USP5: variants seen among roughly 807,000 people sequenced by gnomAD.
USP5 encodes ubiquitin specific peptidase 5.
USP5 carries 24 observed loss-of-function variants against 102.5 expected under a neutral mutation model. The observed-to-expected ratio is 0.23, with a 90% CI of 0.17 to 0.33. The LOEUF (loss-of-function observed/expected upper bound fraction) is 0.33. USP5 is among the 10% of genes least tolerant of loss of function. The pLI is 1.00. For synonymous variants in USP5, 460 were observed against 434.8 expected (o/e 1.06, Z -0.72); for missense variants, 753 against 1,122.1 (o/e 0.67, Z 4.70).
At chr12:6,853,785 A>T (rs1555127589) in intron 1 of USP5, among the ~76,000 whole-genome samples, 1 of 152,232 alleles carries the variant, frequency 6.6e-6, no homozygotes, top group Non-Finnish European at 1.5e-5. Flanking sequence ...AATTGGGCTC[A>T]TGGTAGAAAG....
intron 1 of USP5, 136 bp downstream of exon 1, chr12:6,852,426 T>A: frequency 1.1e-6 from 1 of 921,324 alleles, no homozygotes; most frequent in Non-Finnish European, 1.6e-6. Flanking sequence ...CGCTCCACTC[T>A]GCCGTTGCCT....
chr12:6,856,110 G>A lies in USP5; in HGVS notation c.398G>A (p.Arg133Gln), dbSNP rs782250627. 5 of 1,614,140 alleles carry A rather than the reference G, an allele frequency of 3.1e-6. No individual in the cohort carries two copies. Among genetic ancestry groups the A allele is most frequent in the Non-Finnish European group, 4.2e-6 (5 of 1,180,014 alleles). Reference sequence around the variant, plus strand: ...TTGCCAGATTACCTGGAGATTGCCCGGGATGGACTGGGGGGACTGCCTGAC... The same window carrying A: ...TTGCCAGATTACCTGGAGATTGCCCAGGATGGACTGGGGGGACTGCCTGAC... ...VILPDYLEIA[R>Q]DGLGGLPDIV... The change falls in exon 4 of 20, where the codon CGG (arginine) becomes CAG (glutamine). Residue 133 changes from arginine (R) to glutamine (Q), a missense_variant. Physicochemically the swap from Arg to Gln is conservative, Grantham distance 43. This residue lies in a region of USP5 where 527 missense variants were observed against 816.5 expected (regional missense o/e 0.65). Coordinates refer to ENST00000229268, the MANE Select transcript of USP5 (RefSeq NM_001098536.2). This position sits in a 1 kb window ranked among gnomAD's most constrained non-coding sequence, Gnocchi z 5.6.
At position 6,860,322 on chromosome 12, in the gene USP5, T is replaced by A. The variant is rs1555129253; in HGVS notation, c.1219-44T>A. 6.2e-7 allele frequency: 1 copy of A among 1,613,678 alleles called. No individual in the cohort carries two copies. The highest frequency in any genetic ancestry group is 8.5e-7 in the Non-Finnish European group (1 of 1,179,798). On this transcript the variant is annotated intron_variant, in intron 10 of 19. Transcript: ENST00000229268. This position sits in a 1 kb window ranked among gnomAD's most constrained non-coding sequence, Gnocchi z 5.5. Reference sequence around the variant, plus strand: ...GAGATGTCTAAAGAAGGCCCCTGGATGGCCACTGAGCCCCAGCTGAGTCCC... The same window carrying A: ...GAGATGTCTAAAGAAGGCCCCTGGAAGGCCACTGAGCCCCAGCTGAGTCCC...
chr12:6,863,440 TCCCCTG>T lies in USP5; in HGVS notation c.1954+70_1954+75del. The T allele has an allele frequency of 6.5e-7, 1 of 1,538,686 alleles. No individual in the cohort carries two copies. The highest frequency in any genetic ancestry group is 8.9e-7 in the Non-Finnish European group (1 of 1,127,888). On this transcript the variant is annotated intron_variant, in intron 15 of 19. Transcript: ENST00000229268. This position sits in a 1 kb window ranked among gnomAD's most constrained non-coding sequence, Gnocchi z 4.7. ...CTGATGGGGGCCTCTCTGCCTTGCA[TCCCCTG>T]CCCCTGTCCTTTGTGTTTCTCCTGT... is the stretch of plus-strand genomic sequence containing the variant.
chr12:6,861,632 C>A lies in USP5; in HGVS notation c.1673+15C>A. On this transcript the variant is annotated intron_variant, in intron 13 of 19. Coordinates refer to ENST00000229268, the MANE Select transcript of USP5 (RefSeq NM_001098536.2). This position sits in a 1 kb window ranked among gnomAD's most constrained non-coding sequence, Gnocchi z 4.9. ...GTAGCTGTCAAGTAAGTCCTCTGGT[C>A]GGGGCCTGAGGCTGTGGGTCTATGG... is the stretch of plus-strand genomic sequence containing the variant. 1 of 1,532,006 alleles carries A rather than the reference C, an allele frequency of 6.5e-7. No individual in the cohort carries two copies. The highest frequency in any genetic ancestry group is 1.2e-5 in the South Asian group (1 of 83,094). 94.9% of individuals were successfully genotyped at this position (1,532,006 alleles called of 1,614,324 possible).
chr12:6,866,148 T>C lies in USP5; in HGVS notation c.*71T>C, dbSNP rs1944439056. On this transcript the variant is annotated 3_prime_UTR_variant, in exon 20 of 20. Transcript: ENST00000229268. This position sits in a 1 kb window ranked among gnomAD's most constrained non-coding sequence, Gnocchi z 4.7. ...GGCATGAGGGAGAGGGGCTGAGGGA[T>C]GGACTTCAGCCCCTCTGCTCTGTAC... 6 of 1,369,822 alleles carry C rather than the reference T, an allele frequency of 4.4e-6. No individual in the cohort carries two copies. The South Asian group carries it at 4.6e-5, about 11-fold the overall frequency. The allele number at this position is 1,369,822 out of a possible 1,614,324, so 84.9% of individuals were successfully genotyped here.
At position 6,855,928 on chromosome 12, in the gene USP5, T is replaced by C; in HGVS notation, c.305-89T>C. 2.3e-5 allele frequency: 37 copies of C among 1,605,392 alleles called. No individual in the cohort carries two copies. Among genetic ancestry groups the C allele is most frequent in the Non-Finnish European group, 3.2e-5 (37 of 1,173,392 alleles). On this transcript the variant is annotated intron_variant, in intron 3 of 19. Transcript: ENST00000229268. The surrounding 1 kb of genome is among the most constrained non-coding windows in gnomAD (Gnocchi z 4.6). ...GGCCTGATTGATGGCCCTAGAACTC[T>C]GGATGGGGCAAGTGAGGTGCTGGCT...
rs1444982705 is a variant in USP5 at position 6,858,969 on chromosome 12, G to A, written c.1058+352G>A. The A allele has an allele frequency of 3.9e-6, 1 of 256,050 alleles. No individual in the cohort carries two copies. Among genetic ancestry groups the A allele is most frequent in the Admixed American group, 4.7e-5 (1 of 21,486 alleles). The allele number at this position is 256,050 out of a possible 1,614,324, so 15.9% of individuals were successfully genotyped here. Reference sequence around the variant, plus strand: ...ACACACAAACCCCACTGATAGTGCAGAGTGCCAAGTCCCAGGGCTCTGTGG... The same window carrying A: ...ACACACAAACCCCACTGATAGTGCAAAGTGCCAAGTCCCAGGGCTCTGTGG... On this transcript the variant is annotated intron_variant, in intron 8 of 19. Coordinates refer to ENST00000229268, the MANE Select transcript of USP5 (RefSeq NM_001098536.2). The surrounding 1 kb of genome is among the most constrained non-coding windows in gnomAD (Gnocchi z 4.2).
rs1555130893 is a variant in USP5 at position 6,866,291 on chromosome 12, GC to G, written c.*216del. ...ATGGAGCAGGACGGGGACGGGAGGG[GC>G]CGGCCACCTGTCTGTAAGGAGACTT... On this transcript the variant is annotated 3_prime_UTR_variant, in exon 20 of 20. Coordinates refer to ENST00000229268, the MANE Select transcript of USP5 (RefSeq NM_001098536.2). This position sits in a 1 kb window ranked among gnomAD's most constrained non-coding sequence, Gnocchi z 4.7. 1.8e-6 allele frequency: 1 copy of G among 548,212 alleles called. No individual in the cohort carries two copies. The highest frequency in any genetic ancestry group is 3.3e-6 in the Non-Finnish European group (1 of 304,820). 34.0% of individuals were successfully genotyped at this position (548,212 alleles called of 1,614,324 possible). A position where few individuals can be genotyped will look rare whatever the true frequency, so the allele number is the denominator to read the frequency against.
Position 6,863,103 on chromosome 12 carries a change from A to G in USP5, c.1763-83A>G. 1 of 1,403,574 alleles carries G rather than the reference A, an allele frequency of 7.1e-7. No homozygotes were observed. Among genetic ancestry groups the G allele is most frequent in the Admixed American group, 2.3e-5 (1 of 44,054 alleles). 86.9% of individuals were successfully genotyped at this position (1,403,574 alleles called of 1,614,324 possible). ...AGCTCCTCTTTACAGAGCAGTTCTG[A>G]CATAGGGGGCAGGGGATTGAGGTTC... On this transcript the variant is annotated intron_variant, in intron 14 of 19. Transcript: ENST00000229268. The surrounding 1 kb of genome is among the most constrained non-coding windows in gnomAD (Gnocchi z 4.7).
At position 6,855,072 on chromosome 12, in the gene USP5, G is replaced by C. The variant is rs1944067255; in HGVS notation, c.112-329G>C. Among the ~76,000 whole-genome samples the C allele has an allele frequency of 6.6e-6, 1 of 152,176 alleles. No individual in the cohort carries two copies. On this transcript the variant is annotated intron_variant, in intron 1 of 19. Coordinates refer to ENST00000229268, the MANE Select transcript of USP5 (RefSeq NM_001098536.2). The surrounding 1 kb of genome is among the most constrained non-coding windows in gnomAD (Gnocchi z 4.6). ...GATAGAGGTGAAGGAAGTCCTCTGT[G>C]ATTGATTAAAGAGCTCCAAAGCCCA... is the stretch of plus-strand genomic sequence containing the variant.
rs188711515 is a variant in USP5, at chr12:6,858,773, C to T, written c.1058+156C>T. ...TTGGCCCACACCCGTAATCCCAGTA[C>T]TTCGGGAGGCCAAGATGGGAGAATT... On this transcript the variant is annotated intron_variant, in intron 8 of 19. Transcript: ENST00000229268. This position sits in a 1 kb window ranked among gnomAD's most constrained non-coding sequence, Gnocchi z 4.2. 9.4e-6 allele frequency: 6 copies of T among 638,402 alleles called. No individual in the cohort carries two copies. In the East Asian group the frequency reaches 1.7e-4, roughly 18 times the overall value. The allele number at this position is 638,402 out of a possible 1,614,324, so 39.5% of individuals were successfully genotyped here.
In USP5 at chr12:6,861,206, C is replaced by G; in HGVS notation, c.1498+100C>G. ...GGAGCACAGCCCAGGGAATGCCCTGCTTCACCAGCCAAGGTTCCAGTCTGG... is the reference window on the plus strand; with the variant it reads ...GGAGCACAGCCCAGGGAATGCCCTGGTTCACCAGCCAAGGTTCCAGTCTGG... On this transcript the variant is annotated intron_variant, in intron 12 of 19. Coordinates refer to ENST00000229268, the MANE Select transcript of USP5 (RefSeq NM_001098536.2). The surrounding 1 kb of genome is among the most constrained non-coding windows in gnomAD (Gnocchi z 4.9). The G allele has an allele frequency of 6.5e-7, 1 of 1,536,884 alleles. No individual in the cohort carries two copies. The highest frequency in any genetic ancestry group is 8.8e-7 in the Non-Finnish European group (1 of 1,141,324).
chr12:6,852,307 C>A lies in USP5; in HGVS notation c.111+17C>A. The stretch of plus-strand genomic sequence containing the variant: ...GACACGCCGGTAAGCCCATTCCCCA[C>A]GCCCGCAACGAGCACGACTTCCTTC... On this transcript the variant is annotated intron_variant, in intron 1 of 19. Coordinates refer to ENST00000229268, the MANE Select transcript of USP5 (RefSeq NM_001098536.2). The A allele has an allele frequency of 6.3e-7, 1 of 1,594,966 alleles. No individual in the cohort carries two copies. The highest frequency in any genetic ancestry group is 8.5e-7 in the Non-Finnish European group (1 of 1,170,366).
At position 6,863,531 on chromosome 12, in the gene USP5, C is replaced by G. The variant is rs1944337211; in HGVS notation, c.1954+154C>G. ...GACATGGGGCCTCCCCAGCGCACTC[C>G]TAGCCACCTTCTGGGTGTGGATGGC... On this transcript the variant is annotated intron_variant, in intron 15 of 19. Coordinates refer to ENST00000229268, the MANE Select transcript of USP5 (RefSeq NM_001098536.2). The surrounding 1 kb of genome is among the most constrained non-coding windows in gnomAD (Gnocchi z 4.7). 6.6e-6 allele frequency among the ~76,000 whole-genome samples: 1 copy of G among 152,100 alleles called. No individual in the cohort carries two copies. Among genetic ancestry groups the G allele is most frequent in the Non-Finnish European group, 1.5e-5 (1 of 68,016 alleles).
At position 6,858,823 on chromosome 12, in the gene USP5, AGCCTG is replaced by A. The variant is rs1382082295; in HGVS notation, c.1058+208_1058+212del. Reference sequence around the variant, plus strand: ...TGCTTGAGCCCAGGAGGTTGAGACCAGCCTGGGCAACATAGCGAGACCCTGTCTTC... The same window carrying A: ...TGCTTGAGCCCAGGAGGTTGAGACCAGGCAACATAGCGAGACCCTGTCTTC... On this transcript the variant is annotated intron_variant, in intron 8 of 19. Coordinates refer to ENST00000229268, the MANE Select transcript of USP5 (RefSeq NM_001098536.2). This position sits in a 1 kb window ranked among gnomAD's most constrained non-coding sequence, Gnocchi z 4.2. The A allele has an allele frequency of 4.2e-6, 2 of 479,488 alleles. No individual in the cohort carries two copies. The highest frequency in any genetic ancestry group is 7.5e-6 in the Non-Finnish European group (2 of 266,298). The allele number at this position is 479,488 out of a possible 1,614,324, so 29.7% of individuals were successfully genotyped here. A position where few individuals can be genotyped will look rare whatever the true frequency, so the allele number is the denominator to read the frequency against.
Position 6,855,598 on chromosome 12 carries a change from CT to C in USP5, c.237+79del. 6.3e-7 allele frequency: 1 copy of C among 1,591,490 alleles called. No homozygotes were observed. Among genetic ancestry groups the C allele is most frequent in the South Asian group, 1.1e-5 (1 of 88,014 alleles). On this transcript the variant is annotated intron_variant, in intron 2 of 19. Transcript: ENST00000229268. This position sits in a 1 kb window ranked among gnomAD's most constrained non-coding sequence, Gnocchi z 4.6. Reference sequence around the variant, plus strand: ...TCTGACCTCCTATTGGACTCAGTTTCTTTTTTTCACCTACTTTTGTGTCATT... The same window carrying C: ...TCTGACCTCCTATTGGACTCAGTTTCTTTTTTCACCTACTTTTGTGTCATT...
rs983835116 is a variant in USP5, at chr12:6,863,106, T to A, written c.1763-80T>A. ...TCCTCTTTACAGAGCAGTTCTGACA[T>A]AGGGGGCAGGGGATTGAGGTTCCCG... On this transcript the variant is annotated intron_variant, in intron 14 of 19. Coordinates refer to ENST00000229268, the MANE Select transcript of USP5 (RefSeq NM_001098536.2). This position sits in a 1 kb window ranked among gnomAD's most constrained non-coding sequence, Gnocchi z 4.7. The A allele has an allele frequency of 3.5e-6, 5 of 1,421,740 alleles. No homozygotes were observed. Among genetic ancestry groups the A allele is most frequent in the African/African-American group, 1.4e-5 (1 of 69,746 alleles). The allele number at this position is 1,421,740 out of a possible 1,614,324, so 88.1% of individuals were successfully genotyped here.
In USP5 at chr12:6,866,073, G is replaced by A. The variant is rs1555130817; in HGVS notation, c.2573G>A (p.Ser858Asn). ...GYIYFYQRVAS is the reference protein window; with the variant it reads ...GYIYFYQRVAN ...ATCTACTTCTACCAGAGAGTGGCCA[G>A]CTAAGAGCCTGCCTCACCCCTTACC... Residue 858 changes from serine (S) to asparagine (N), a missense_variant, in exon 20 of 20, where the codon AGC becomes AAC. By Grantham distance (46) the Ser-to-Asn change is conservative (BLOSUM62 1). Transcript: ENST00000229268. This position sits in a 1 kb window ranked among gnomAD's most constrained non-coding sequence, Gnocchi z 4.7. The A allele has an allele frequency of 1.2e-6, 2 of 1,614,076 alleles. No homozygotes were observed. Among genetic ancestry groups the A allele is most frequent in the Admixed American group, 1.7e-5 (1 of 60,016 alleles).
Sources: gnomAD v4.1 joint callset for allele counts (sites outside exome capture counted in the v4.1 genomes callset) on GRCh38, gnomAD v4.1.1 for gene constraint, gnomAD v4.1.1 regional missense constraint, Gnocchi (gnomAD v3.1) non-coding constraint, MANE v1.5 for transcripts, NCBI Gene and HGNC (gene_info 2026-07-23, HGNC 2026-07-21) for gene names.